The following XKR9 variants were observed in gnomAD, a reference collection of about 807,000 sequenced individuals.
The protein encoded by XKR9 is XK-related protein 9.
Under a neutral mutation model 32.0 loss-of-function variants are expected in XKR9, and 32 were observed. That is an observed-to-expected ratio of 1.00 (90% CI 0.76 to 1.34). XKR9 has a LOEUF of 1.34. Ranked by LOEUF, XKR9 falls within the 40% of genes most tolerant of loss-of-function variation. The pLI, the probability that XKR9 is intolerant of heterozygous loss-of-function variation, is 0.00. For synonymous variants in XKR9, 168 were observed against 143.4 expected, an observed-to-expected ratio of 1.17 and a Z score of -1.22; for missense variants, 546 against 429.7, an observed-to-expected ratio of 1.27 and a Z score of -2.39.
chr8:70,924,970 A>ATT, the XKR9 span, among the ~76,000 whole-genome samples: 6 of 151,864 alleles, frequency 4.0e-5, no homozygotes, highest in Non-Finnish European at 7.4e-5. Context: ...TTTAATGTTA[A>ATT]TTTTTTTTGC....
chr8:70,991,152 G>A, the XKR9 span, among the ~76,000 whole-genome samples: 1 of 152,138 alleles, frequency 6.6e-6, no homozygotes, highest in Non-Finnish European at 1.5e-5. Flanking sequence ...GAGGGCAGTA[G>A]AGCTGCCTGT....
the XKR9 span, among the ~76,000 whole-genome samples, chr8:70,823,043 T>G: frequency 3.9e-5 from 6 of 152,328 alleles, no homozygotes; most frequent in Non-Finnish European, 8.8e-5. Context: ...TATAAAATTT[T>G]CAAGGATCTC....
downstream of XKR9, among the ~76,000 whole-genome samples, chr8:70,794,823 TTGTGTGTGTG>T (rs56167343): frequency 3.4e-5 from 5 of 147,584 alleles, no homozygotes; most frequent in Non-Finnish European, 7.5e-5. Flanking sequence ...TAGTCTTCTT[TTGTGTGTGTG>T]TGTGTGTGTG....
intron 3 of XKR9, among the ~76,000 whole-genome samples, chr8:70,690,504 T>C (rs968166422): frequency 2.4e-4 from 36 of 151,688 alleles, no homozygotes; most frequent in African/African-American, 8.5e-4. Context: ...CAGCTAGTTT[T>C]TTTTTTTTTT....
chr8:70,731,329 T>C (rs1352834836), intron 4 of XKR9, among the ~76,000 whole-genome samples: 1 of 151,844 alleles, frequency 6.6e-6, no homozygotes, highest in Non-Finnish European at 1.5e-5. Flanking sequence ...ATATGCTTTT[T>C]TTTTTGCTGG....
At chr8:70,974,888 T>C in the XKR9 span, among the ~76,000 whole-genome samples, 1 of 152,222 alleles carries the variant, frequency 6.6e-6, no homozygotes, top group Non-Finnish European at 1.5e-5. Context: ...CTCCACATCC[T>C]CTCCAGTATC....
At chr8:70,982,645 G>A in the XKR9 span, among the ~76,000 whole-genome samples, 1 of 152,144 alleles carries the variant, frequency 6.6e-6, no homozygotes, top group Non-Finnish European at 1.5e-5. Flanking sequence ...CCGACTCAAA[G>A]GTTTTCAGCA....
At chr8:70,817,417 C>G in the XKR9 span, among the ~76,000 whole-genome samples, 1 of 151,936 alleles carries the variant, frequency 6.6e-6, no homozygotes, top group Non-Finnish European at 1.5e-5. Flanking sequence ...TACATCTAAC[C>G]AGGAAGTTCA....
the XKR9 span, among the ~76,000 whole-genome samples, chr8:70,850,794 G>C: frequency 6.6e-6 from 1 of 152,082 alleles, no homozygotes; most frequent in Non-Finnish European, 1.5e-5. Context: ...AAAATAAAAA[G>C]AGCTATTTAT....
chr8:70,922,803 G>T, the XKR9 span, among the ~76,000 whole-genome samples: 1 of 152,154 alleles, frequency 6.6e-6, no homozygotes, highest in Non-Finnish European at 1.5e-5. Context: ...GCAAGAAAAT[G>T]GAAACAGCAG....
intron 2 of XKR9, among the ~76,000 whole-genome samples, chr8:70,754,085 A>AT (rs1807182248): frequency 1.4e-5 from 2 of 147,098 alleles, no homozygotes; most frequent in African/African-American, 4.9e-5. Context: ...TACAAAATCA[A>AT]TGTACAAAAC....
chr8:70,801,435 A>C, the XKR9 span, among the ~76,000 whole-genome samples: 9 of 152,208 alleles, frequency 5.9e-5, no homozygotes, highest in Admixed American at 4.6e-4. Flanking sequence ...AAAGTCATTC[A>C]GGAGCAGGTT....
At chr8:71,054,146 A>G in the XKR9 span, among the ~76,000 whole-genome samples, 1 of 152,206 alleles carries the variant, frequency 6.6e-6, no homozygotes, top group African/African-American at 2.4e-5. Context: ...AAAAATTAAC[A>G]GTATGGTTGG....
At chr8:71,027,224 AT>A in the XKR9 span, among the ~76,000 whole-genome samples, 1 of 151,818 alleles carries the variant, frequency 6.6e-6, no homozygotes, top group Admixed American at 6.6e-5. Context: ...AAGAGAGTCC[AT>A]TTTATGAATT....
chr8:70,790,674 C>T (rs1373051491), downstream of XKR9, among the ~76,000 whole-genome samples: 1 of 152,118 alleles, frequency 6.6e-6, no homozygotes, highest in Non-Finnish European at 1.5e-5. Flanking sequence ...CTTCTCCTAT[C>T]TCAGAGTCCC....
the XKR9 span, among the ~76,000 whole-genome samples, chr8:70,823,977 G>A: frequency 2.6e-5 from 4 of 152,270 alleles, no homozygotes; most frequent in South Asian, 8.3e-4. Context: ...TTTGTAGTAA[G>A]AATTTCTTGT....
the XKR9 span, among the ~76,000 whole-genome samples, chr8:71,031,701 C>T: frequency 6.6e-6 from 1 of 152,142 alleles, no homozygotes; most frequent in Admixed American, 6.5e-5. Context: ...ATTGCTTTCA[C>T]AATTGTTTTT....
chr8:71,043,031 C>T, the XKR9 span, among the ~76,000 whole-genome samples: 11 of 152,322 alleles, frequency 7.2e-5, no homozygotes, highest in Non-Finnish European at 1.2e-4. Context: ...TTCAGAGCAG[C>T]TGTTTAGAGC....
At chr8:71,026,901 T>C in the XKR9 span, among the ~76,000 whole-genome samples, 1 of 152,228 alleles carries the variant, frequency 6.6e-6, no homozygotes, top group Non-Finnish European at 1.5e-5. Context: ...AATGTCATTA[T>C]GGATATTACT....
Sources: gnomAD v4.1 joint callset for allele counts (sites outside exome capture counted in the v4.1 genomes callset) on GRCh38, gnomAD v4.1.1 for gene constraint, MANE v1.5 for transcripts, NCBI Gene and HGNC (gene_info 2026-07-23, HGNC 2026-07-21) for gene names.